The following XKR6 variants were observed in gnomAD, a reference collection of about 807,000 sequenced individuals.
XKR6 encodes the protein XK related 6, also known as XK-related protein 6.
Under a neutral mutation model 56.7 loss-of-function variants are expected in XKR6, and 22 were observed. That is an observed-to-expected ratio of 0.39 (90% CI 0.28 to 0.55). The LOEUF is 0.55. Among genes scored for constraint, XKR6 ranks in the 20% least tolerant of loss-of-function variants. XKR6 has a pLI of 0.66. For synonymous variants in XKR6, 524 were observed against 387.8 expected (o/e 1.35, Z -4.13); for missense variants, 852 against 889.0 (o/e 0.96, Z 0.53).
intron 1 of XKR6, among the ~76,000 whole-genome samples, chr8:10,953,668 A>G (rs890999496): frequency 2.0e-5 from 3 of 152,282 alleles, no homozygotes; most frequent in Non-Finnish European, 4.4e-5. Context: ...AAGAATCTAG[A>G]TAATAGCTGT....
chr8:11,002,816 T>C (rs1488407206), intron 1 of XKR6, among the ~76,000 whole-genome samples: 1 of 152,192 alleles, frequency 6.6e-6, no homozygotes, highest in African/African-American at 2.4e-5. Flanking sequence ...ACAGTCTCCC[T>C]CCTCAGGTGC....
At chr8:11,159,616 T>G (rs186117197) in intron 1 of XKR6, among the ~76,000 whole-genome samples, 84 of 152,298 alleles carry the variant, frequency 5.5e-4, no homozygotes, top group African/African-American at 1.8e-3. Flanking sequence ...CAATCCAAAC[T>G]AGAGCAGAAA....
chr8:10,973,824 A>G (rs1030475605), intron 1 of XKR6, among the ~76,000 whole-genome samples: 1 of 152,170 alleles, frequency 6.6e-6, no homozygotes, highest in Non-Finnish European at 1.5e-5. Flanking sequence ...AGCTCAAGCA[A>G]TCCACCCACT....
intron 1 of XKR6, among the ~76,000 whole-genome samples, chr8:11,173,789 G>A (rs893184754): frequency 1.1e-4 from 16 of 152,206 alleles, no homozygotes; most frequent in African/African-American, 2.9e-4. Flanking sequence ...TGCCACTGCC[G>A]CCTCAAGAGA....
intron 1 of XKR6, among the ~76,000 whole-genome samples, chr8:10,971,378 A>G (rs1283806358): frequency 6.6e-6 from 1 of 151,984 alleles, no homozygotes; most frequent in Non-Finnish European, 1.5e-5. Flanking sequence ...CCAAGATCGC[A>G]CCACTGCACT....
intron 1 of XKR6, among the ~76,000 whole-genome samples, chr8:10,966,573 C>G (rs900466653): frequency 3.3e-5 from 5 of 152,166 alleles, no homozygotes; most frequent in African/African-American, 7.2e-5. Flanking sequence ...ACACGGGAGG[C>G]TGAGGCAGAA....
intron 1 of XKR6, among the ~76,000 whole-genome samples, chr8:11,153,179 A>G (rs1290667216): frequency 6.6e-6 from 1 of 152,246 alleles, no homozygotes; most frequent in Non-Finnish European, 1.5e-5. Flanking sequence ...AAAGCAGAAG[A>G]AAAGCTACGT....
At chr8:11,054,307 T>C (rs1449519338) in intron 1 of XKR6, among the ~76,000 whole-genome samples, 2 of 152,170 alleles carry the variant, frequency 1.3e-5, no homozygotes, top group East Asian at 1.9e-4. Context: ...CACAGTAAGT[T>C]TGTCCTAACT....
chr8:11,011,907 C>T (rs1798508581), intron 1 of XKR6, among the ~76,000 whole-genome samples: 1 of 152,188 alleles, frequency 6.6e-6, no homozygotes, highest in African/African-American at 2.4e-5. Flanking sequence ...AGTGTGGCAG[C>T]TCAGGTGTGC....
At chr8:10,947,327 G>C (rs960653124) in intron 1 of XKR6, among the ~76,000 whole-genome samples, 3 of 152,136 alleles carry the variant, frequency 2.0e-5, no homozygotes, top group African/African-American at 7.2e-5. Context: ...GAGATACCTG[G>C]GGAACGTCCA....
At chr8:10,901,247 G>A (rs1800028947) in intron 2 of XKR6, among the ~76,000 whole-genome samples, 1 of 151,990 alleles carries the variant, frequency 6.6e-6, no homozygotes, top group African/African-American at 2.4e-5. Flanking sequence ...GTAGAGACAG[G>A]ATTTCACCAT....
At chr8:11,115,976 T>G (rs1799153241) in intron 1 of XKR6, among the ~76,000 whole-genome samples, 1 of 152,256 alleles carries the variant, frequency 6.6e-6, no homozygotes, top group African/African-American at 2.4e-5. Flanking sequence ...TAAAGTAATA[T>G]ACTGCAGTTT....
At chr8:11,160,925 A>AAAG (rs1554475336) in intron 1 of XKR6, among the ~76,000 whole-genome samples, 1 of 151,392 alleles carries the variant, frequency 6.6e-6, no homozygotes, top group African/African-American at 2.4e-5. Context: ...AAAAAAAAAA[A>AAAG]AAAAAAGAAA....
intron 1 of XKR6, among the ~76,000 whole-genome samples, chr8:11,063,966 CA>C (rs1007729484): frequency 1.3e-5 from 2 of 152,194 alleles, no homozygotes; most frequent in Admixed American, 1.3e-4. Flanking sequence ...TCGGGTCTGA[CA>C]AAAAGCTTAC....
At position 10,924,692 on chromosome 8, in the gene XKR6, G is replaced by A. The variant is rs1233808353; in HGVS notation, c.903C>T (p.Pro301=). The A allele has an allele frequency of 3.1e-6, 5 of 1,613,364 alleles. No homozygotes were observed. The highest frequency in any genetic ancestry group is 2.7e-5 in the African/African-American group (2 of 75,040). The part of the protein sequence containing the change: ...RLLETFLESA[P]QLVLQLYIML... ...TGATGTAGAGCTGTAGCACCAGTTG[G>A]GGCGCGCTCTCCAGGAAGGTCTCCA... The change falls in exon 2 of 3, where the codon CCC becomes CCT. Residue 301 remains proline, a synonymous_variant. Transcript: ENST00000416569.
intron 1 of XKR6, among the ~76,000 whole-genome samples, chr8:11,027,250 G>A (rs1487049919): frequency 6.6e-6 from 1 of 152,104 alleles, no homozygotes; most frequent in African/African-American, 2.4e-5. Flanking sequence ...TCATCTTATG[G>A]GACCATCCTC....
intron 1 of XKR6, among the ~76,000 whole-genome samples, chr8:11,072,184 C>G (rs542236152): frequency 1.2e-4 from 19 of 152,308 alleles, no homozygotes; most frequent in African/African-American, 4.6e-4. Flanking sequence ...AGCTCCACCC[C>G]CTCTCTGTTT....
intron 1 of XKR6, among the ~76,000 whole-genome samples, chr8:11,065,790 T>G (rs896145036): frequency 3.3e-5 from 5 of 152,200 alleles, no homozygotes; most frequent in African/African-American, 1.2e-4. Context: ...AGCCCAGGGC[T>G]GGCTCCTGCC....
At chr8:11,021,635 CT>C (rs1798751630) in intron 1 of XKR6, among the ~76,000 whole-genome samples, 1 of 152,142 alleles carries the variant, frequency 6.6e-6, no homozygotes, top group Non-Finnish European at 1.5e-5. Flanking sequence ...ATCCCAAACG[CT>C]CCAGAGTCCA....
Sources: allele counts gnomAD v4.1 joint callset (sites outside exome capture counted in the v4.1 genomes callset), GRCh38; gene constraint gnomAD v4.1.1; transcripts MANE v1.5; gene names NCBI Gene and HGNC (gene_info 2026-07-23, HGNC 2026-07-21).